Variants in SORCS3 observed in about 807,000 individuals in gnomAD.
SORCS3 encodes the protein VPS10 domain-containing receptor SorCS3.
Under a neutral mutation model 146.3 loss-of-function variants are expected in SORCS3, and 57 were observed. The observed-to-expected ratio is 0.39, with a 90% CI of 0.31 to 0.49. SORCS3 has a LOEUF of 0.49. SORCS3 is among the 20% of genes least tolerant of loss of function. The probability of loss-of-function intolerance (pLI) is 0.92; values close to 1 mark genes in which losing one functional copy is unlikely to be tolerated. For missense variants in SORCS3, 1,341 were observed against 1,575.5 expected (o/e 0.85, Z 2.52); for synonymous variants, 653 against 618.5 (o/e 1.06, Z -0.83).
intron 3 of SORCS3, among the ~76,000 whole-genome samples, chr10:104,955,816 A>G (rs962009074): frequency 8.5e-5 from 13 of 152,188 alleles, no homozygotes; most frequent in Non-Finnish European, 1.6e-4. Flanking sequence ...AGAGCAGTCC[A>G]TCTTTTGAGC....
At chr10:104,981,478 G>C (rs970608795) in intron 4 of SORCS3, among the ~76,000 whole-genome samples, 1 of 152,154 alleles carries the variant, frequency 6.6e-6, no homozygotes, top group African/African-American at 2.4e-5. Context: ...TTAAGTGGTA[G>C]GATTCTCTTT....
chr10:104,765,652 T>C (rs1383456694), intron 1 of SORCS3, among the ~76,000 whole-genome samples: 1 of 152,224 alleles, frequency 6.6e-6, no homozygotes, highest in African/African-American at 2.4e-5. Flanking sequence ...CTAGATGACC[T>C]TCCTACATGC....
intron 5 of SORCS3, among the ~76,000 whole-genome samples, chr10:105,084,931 C>T (rs4918146): frequency 0.24 from 36,235 of 151,710 alleles, 4,442 homozygotes; most frequent in Admixed American, 0.32. Context: ...GGGGTTTCAC[C>T]ATGTTAGCCA....
At chr10:105,204,028 T>G (rs1358842936) in intron 16 of SORCS3, among the ~76,000 whole-genome samples, 2 of 152,148 alleles carry the variant, frequency 1.3e-5, no homozygotes, top group Non-Finnish European at 2.9e-5. Context: ...TTCTGAACCC[T>G]TCTTTAGGGA....
intron 4 of SORCS3, among the ~76,000 whole-genome samples, chr10:104,987,539 A>G (rs2054969349): frequency 1.3e-5 from 2 of 152,192 alleles, no homozygotes; most frequent in Non-Finnish European, 2.9e-5. Flanking sequence ...TATGTTGTAG[A>G]AGAAAATTTC....
intron 3 of SORCS3, among the ~76,000 whole-genome samples, chr10:104,943,005 T>C (rs1009738354): frequency 2.0e-5 from 3 of 152,118 alleles, no homozygotes; most frequent in African/African-American, 7.2e-5. Flanking sequence ...AAATAACAAC[T>C]GTGGAAAATT....
chr10:105,093,833 G>C (rs999935722), intron 6 of SORCS3, among the ~76,000 whole-genome samples: 3 of 152,040 alleles, frequency 2.0e-5, no homozygotes, highest in Non-Finnish European at 4.4e-5. Context: ...TTGGTAGTTT[G>C]TTATAAAGTT....
At chr10:105,242,468 T>TTATACATATATTTATATATATTTA (rs2056832985) in intron 20 of SORCS3, among the ~76,000 whole-genome samples, 2 of 78,950 alleles carry the variant, frequency 2.5e-5, no homozygotes, top group African/African-American at 1.0e-4. Context: ...ATTTATATAT[T>TTATACATATATTTATATATATTTA]TATATATTTA....
At chr10:104,773,002 G>C (rs2017269432) in intron 1 of SORCS3, among the ~76,000 whole-genome samples, 1 of 152,146 alleles carries the variant, frequency 6.6e-6, no homozygotes, top group African/African-American at 2.4e-5. Context: ...AAATGTGAAT[G>C]GGCTGGAAGA....
chr10:105,056,830 T>C (rs2055448989), intron 5 of SORCS3, among the ~76,000 whole-genome samples: 1 of 152,240 alleles, frequency 6.6e-6, no homozygotes, highest in Non-Finnish European at 1.5e-5. Context: ...AAGATAATCA[T>C]TTTAACACAA....
At chr10:104,661,785 T>G (rs1589450001) in intron 1 of SORCS3, among the ~76,000 whole-genome samples, 1 of 152,238 alleles carries the variant, frequency 6.6e-6, no homozygotes, top group Non-Finnish European at 1.5e-5. Context: ...ACTTCAGTAC[T>G]GTGATCGATG....
At chr10:104,751,828 A>G (rs746649032) in intron 1 of SORCS3, among the ~76,000 whole-genome samples, 18 of 150,078 alleles carry the variant, frequency 1.2e-4, no homozygotes, top group Non-Finnish European at 2.4e-4. Context: ...ACTCTCCCAC[A>G]ATGACCTTGT....
intron 2 of SORCS3, among the ~76,000 whole-genome samples, chr10:104,889,432 A>G (rs372969587): frequency 4.2e-4 from 48 of 114,562 alleles, no homozygotes; most frequent in African/African-American, 1.5e-3. Flanking sequence ...TATTTGTTCC[A>G]TTTTCCCTCC....
intron 4 of SORCS3, among the ~76,000 whole-genome samples, chr10:104,998,016 A>G (rs73334045): frequency 0.077 from 11,691 of 152,066 alleles, 506 homozygotes; most frequent in African/African-American, 0.11. Context: ...AATGTTGGAG[A>G]ATGAGGGGGA....
At chr10:104,698,407 T>C (rs868553647) in intron 1 of SORCS3, among the ~76,000 whole-genome samples, 28 of 152,180 alleles carry the variant, frequency 1.8e-4, no homozygotes, top group African/African-American at 5.8e-4. Flanking sequence ...TATAGCACAC[T>C]GAGCACACAA....
Position 105,042,877 on chromosome 10 carries a change from C to T in SORCS3, c.955-178C>T, listed in dbSNP as rs536966687. On this transcript the variant is annotated intron_variant, in intron 4 of 26. Transcript: ENST00000369701. ...TGATTGGATGTATATTGAGAACCCA[C>T]GTAATGCTAGAAGATACCATGATAA... 1.6e-4 allele frequency among the ~76,000 whole-genome samples: 25 copies of T among 152,218 alleles called. 1 individual carries two copies. Among genetic ancestry groups the T allele is most frequent in the South Asian group, 1.0e-3 (5 of 4,810 alleles).
At chr10:104,687,315 G>A (rs184821305) in intron 1 of SORCS3, among the ~76,000 whole-genome samples, 31 of 152,310 alleles carry the variant, frequency 2.0e-4, no homozygotes, top group Admixed American at 2.0e-3. Flanking sequence ...ATACTTTGAT[G>A]CTTTCTGAGC....
intron 1 of SORCS3, among the ~76,000 whole-genome samples, chr10:104,676,508 G>C (rs1307747478): frequency 6.6e-6 from 1 of 152,218 alleles, no homozygotes; most frequent in Admixed American, 6.5e-5. Context: ...AGGTAAAGGA[G>C]TATGTAAAAT....
intron 1 of SORCS3, among the ~76,000 whole-genome samples, chr10:104,645,055 A>G (rs7917278): frequency 0.98 from 149,846 of 152,240 alleles, 73,765 homozygotes; most frequent in East Asian, 1. Context: ...GGCTTTGGGG[A>G]CAAAGGAGAA....
Sources: allele counts gnomAD v4.1 joint callset (sites outside exome capture counted in the v4.1 genomes callset), GRCh38; gene constraint gnomAD v4.1.1; transcripts MANE v1.5; gene names NCBI Gene and HGNC (gene_info 2026-07-23, HGNC 2026-07-21).